Variants in NDC1 observed in about 807,000 individuals in gnomAD.
NDC1 encodes NDC1 transmembrane nucleoporin, also known as nucleoporin NDC1.
NDC1 carries 24 observed loss-of-function variants against 89.8 expected under a neutral mutation model. The observed-to-expected ratio is 0.27, with a 90% confidence interval of 0.19 to 0.38. NDC1 has a LOEUF of 0.38. NDC1 is among the 10% of genes least tolerant of loss of function. The pLI is 1.00. For missense variants in NDC1, 728 were observed against 797.6 expected, an observed-to-expected ratio of 0.91 and a Z score of 1.05; for synonymous variants, 296 against 284.8, an observed-to-expected ratio of 1.04 and a Z score of -0.39.
chr1:53,788,182 T>C (rs924210782), intron 15 of NDC1, among the ~76,000 whole-genome samples: 1 of 152,106 alleles, frequency 6.6e-6, no homozygotes, highest in African/African-American at 2.4e-5. Flanking sequence ...TAGTCCAAAC[T>C]ACTCAGGAGG....
intron 6 of NDC1, among the ~76,000 whole-genome samples, chr1:53,814,079 C>T (rs568445903): frequency 2.8e-4 from 43 of 152,198 alleles, no homozygotes; most frequent in African/African-American, 9.9e-4. Context: ...TTTGGCTGGG[C>T]GCAGTGGCTC....
intron 16 of NDC1, among the ~76,000 whole-genome samples, chr1:53,774,790 T>C (rs1445160894): frequency 2.0e-5 from 3 of 152,006 alleles, no homozygotes; most frequent in Admixed American, 6.6e-5. Flanking sequence ...GGGAGACTGA[T>C]GTGGGTGGGA....
At chr1:53,794,811 G>C (rs535894911) in intron 13 of NDC1, among the ~76,000 whole-genome samples, 1 of 152,228 alleles carries the variant, frequency 6.6e-6, no homozygotes, top group Admixed American at 6.5e-5. Flanking sequence ...GGAGTTCAAG[G>C]CTGCAGTGTA....
intron 1 of NDC1, among the ~76,000 whole-genome samples, chr1:53,837,823 T>C (rs1376904494): frequency 6.6e-6 from 1 of 152,226 alleles, no homozygotes; most frequent in Non-Finnish European, 1.5e-5. Flanking sequence ...CCCCAGCCTC[T>C]ACTAATGCCA....
chr1:53,775,542 A>T (rs1205674401), intron 16 of NDC1, among the ~76,000 whole-genome samples: 1 of 152,050 alleles, frequency 6.6e-6, no homozygotes, highest in Non-Finnish European at 1.5e-5. Flanking sequence ...TACAGGCATG[A>T]GCTACCGCAC....
intron 5 of NDC1, among the ~76,000 whole-genome samples, chr1:53,822,881 G>A (rs1446157635): frequency 3.3e-5 from 5 of 152,078 alleles, no homozygotes; most frequent in South Asian, 2.1e-4. Context: ...ATCACATCGC[G>A]CTCTATAGAG....
intron 6 of NDC1, among the ~76,000 whole-genome samples, chr1:53,814,807 C>T (rs1243975360): frequency 1.3e-5 from 2 of 152,126 alleles, no homozygotes; most frequent in Non-Finnish European, 2.9e-5. Flanking sequence ...AAAGATTGTT[C>T]ACAACTACTA....
At chr1:53,779,809 CAAATGT>C (rs1647189656) in intron 16 of NDC1, among the ~76,000 whole-genome samples, 2 of 152,140 alleles carry the variant, frequency 1.3e-5, no homozygotes, top group South Asian at 4.2e-4. Flanking sequence ...GAATACTATG[CAAATGT>C]TAGGTAAAGC....
At chr1:53,815,117 C>T (rs564487739) in intron 6 of NDC1, among the ~76,000 whole-genome samples, 4 of 152,180 alleles carry the variant, frequency 2.6e-5, no homozygotes, top group African/African-American at 7.2e-5. Flanking sequence ...CCAGCATCAC[C>T]CTAATACCAA....
chr1:53,829,578 G>A (rs979235323), intron 3 of NDC1, among the ~76,000 whole-genome samples: 2 of 152,102 alleles, frequency 1.3e-5, no homozygotes, highest in Admixed American at 1.3e-4. Flanking sequence ...CATTAATCAC[G>A]ATCTCTGGAG....
intron 5 of NDC1, among the ~76,000 whole-genome samples, chr1:53,824,904 T>G (rs905040432): frequency 3.3e-5 from 5 of 152,158 alleles, no homozygotes; most frequent in African/African-American, 4.8e-5. Context: ...CCATCCACGA[T>G]GGCTCACACC....
rs1032428291 is a variant in NDC1, at chr1:53,809,697, A to G, written c.753T>C (p.Asp251=). The change falls in exon 7 of 18, where the codon GAT becomes GAC. Residue 251 remains aspartate, a splice_region_variant and synonymous_variant. Transcript: ENST00000371429. ...WISTAMNLHI[D]EQVHRPLDTV... The stretch of plus-strand genomic sequence containing the variant: ...TAGACTTTTTAGGTATCACTTACTC[A>G]TCTATGTGAAGGTTCATAGCAGTGC... 10 of 1,605,028 alleles carry G rather than the reference A, an allele frequency of 6.2e-6. 1 individual carries two copies. The Middle Eastern group carries it at 6.6e-4, about 106-fold the overall frequency.
intron 10 of NDC1, among the ~76,000 whole-genome samples, chr1:53,802,737 A>G (rs1475538987): frequency 6.6e-6 from 1 of 152,178 alleles, no homozygotes; most frequent in East Asian, 1.9e-4. Flanking sequence ...CTGGGACTGG[A>G]CTGTTTTCCC....
At position 53,832,854 on chromosome 1, in the gene NDC1, A is replaced by C. The variant is rs1337247647; in HGVS notation, c.179-263T>G. On this transcript the variant is annotated intron_variant, in intron 2 of 17. Coordinates refer to ENST00000371429, the MANE Select transcript of NDC1 (RefSeq NM_018087.5). ...ATGACAAAACCCTATCTCTACAAAA[A>C]TACAAAGATAGCCAGGTGTGGTGGT... Among the ~76,000 whole-genome samples, 15 of 152,114 alleles carry C rather than the reference A, an allele frequency of 9.9e-5. 1 individual carries two copies. Among genetic ancestry groups the C allele is most frequent in the Admixed American group, 9.8e-4 (15 of 15,270 alleles).
chr1:53,781,358 A>T (rs1647205780), intron 16 of NDC1, among the ~76,000 whole-genome samples: 1 of 152,232 alleles, frequency 6.6e-6, no homozygotes, highest in Non-Finnish European at 1.5e-5. Flanking sequence ...CAGCATGTAA[A>T]AACCTCTGAG....
intron 9 of NDC1, among the ~76,000 whole-genome samples, chr1:53,805,498 G>C (rs532164511): frequency 1.7e-4 from 26 of 152,282 alleles, no homozygotes; most frequent in African/African-American, 6.3e-4. Flanking sequence ...GCCTCTTTTA[G>C]CTCTTTTTAA....
At chr1:53,771,172 T>A (rs1647110370) in intron 17 of NDC1, 2 of 168,822 alleles carry the variant, frequency 1.2e-5, no homozygotes, top group Admixed American at 1.1e-4. Flanking sequence ...GCTTTTGTTC[T>A]ATCATTAATA....
At chr1:53,810,677 G>T (rs962574382) in intron 6 of NDC1, among the ~76,000 whole-genome samples, 3 of 152,154 alleles carry the variant, frequency 2.0e-5, no homozygotes, top group African/African-American at 7.2e-5. Flanking sequence ...GGCCAAGGTG[G>T]GAGGATCACT....
intron 5 of NDC1, among the ~76,000 whole-genome samples, chr1:53,821,906 C>T (rs74084419): frequency 0.012 from 1,815 of 152,316 alleles, 42 homozygotes; most frequent in African/African-American, 0.041. Context: ...ATGTCCATTT[C>T]TTTGTGCCCT....
Sources: allele counts gnomAD v4.1 joint callset (sites outside exome capture counted in the v4.1 genomes callset), GRCh38; gene constraint gnomAD v4.1.1; transcripts MANE v1.5; gene names NCBI Gene and HGNC (gene_info 2026-07-23, HGNC 2026-07-21).